DGKI: variants seen among roughly 807,000 people sequenced by gnomAD.
DGKI encodes diacylglycerol kinase iota, also known as DAG kinase iota.
In DGKI, 55 loss-of-function variants were observed where a neutral mutation model predicts 147.5. That is an observed-to-expected ratio of 0.37 (90% confidence interval 0.30 to 0.47). DGKI has a LOEUF of 0.47. Ranked by LOEUF, DGKI falls within the 20% of genes least tolerant of loss-of-function variation. The probability of loss-of-function intolerance (pLI) is 1.00; values close to 1 mark genes in which losing one functional copy is unlikely to be tolerated. For synonymous variants in DGKI, 469 were observed against 477.1 expected, an observed-to-expected ratio of 0.98 and a Z score of 0.22; for missense variants, 1,007 against 1,323.8, an observed-to-expected ratio of 0.76 and a Z score of 3.71.
chr7:137,413,222 C>A lies in DGKI; in HGVS notation c.2762-1015G>T, dbSNP rs142141250. Among the ~76,000 whole-genome samples the A allele has an allele frequency of 2.0e-3, 298 of 147,456 alleles. 3 individuals carry two copies. The East Asian group carries it at 0.033, about 17-fold the overall frequency. ...GTGGAGTTGCAGTGAGCGGAGATCG[C>A]GCCACTGCCCTCCTGCCCAGGCGAC... On this transcript the variant is annotated intron_variant, in intron 28 of 32. Transcript: ENST00000614521.
intron 1 of DGKI, among the ~76,000 whole-genome samples, chr7:137,829,509 G>A (rs886431615): frequency 1.3e-5 from 2 of 152,198 alleles, no homozygotes; most frequent in Non-Finnish European, 2.9e-5. Context: ...CCACAATGAT[G>A]AAAACGTTCT....
At chr7:137,705,806 T>C (rs1275094245) in intron 1 of DGKI, among the ~76,000 whole-genome samples, 1 of 152,164 alleles carries the variant, frequency 6.6e-6, no homozygotes, top group Non-Finnish European at 1.5e-5. Flanking sequence ...TCAGTATCCA[T>C]GAACATAACT....
intron 1 of DGKI, among the ~76,000 whole-genome samples, chr7:137,811,811 G>C (rs185144961): frequency 7.0e-4 from 106 of 152,140 alleles, no homozygotes; most frequent in Non-Finnish European, 1.3e-3. Context: ...CATATATTTA[G>C]AATTTCTAAT....
At chr7:137,521,762 A>G (rs1816968103) in intron 21 of DGKI, 104 bp downstream of exon 21, 1 of 820,152 alleles carries the variant, frequency 1.2e-6, no homozygotes, top group South Asian at 1.5e-5. Flanking sequence ...TCTAACCATG[A>G]TTTTCAGGCA....
intron 3 of DGKI, among the ~76,000 whole-genome samples, chr7:137,667,796 CTCAG>C (rs1380532306): frequency 1.3e-5 from 2 of 152,188 alleles, no homozygotes; most frequent in Non-Finnish European, 2.9e-5. Context: ...CCACAGACAT[CTCAG>C]TCATTGTTTA....
chr7:137,720,480 G>C (rs572048230), intron 1 of DGKI, among the ~76,000 whole-genome samples: 16 of 151,844 alleles, frequency 1.1e-4, no homozygotes, highest in South Asian at 8.3e-4. Context: ...GGATGGTCTC[G>C]ATCTCCTGAC....
chr7:137,621,917 G>A (rs1458149539), intron 7 of DGKI, among the ~76,000 whole-genome samples: 1 of 152,222 alleles, frequency 6.6e-6, no homozygotes, highest in Non-Finnish European at 1.5e-5. Flanking sequence ...CACCAGATTA[G>A]AAGAACCAGG....
At chr7:137,653,800 T>C (rs529796478) in intron 5 of DGKI, among the ~76,000 whole-genome samples, 112 of 152,296 alleles carry the variant, frequency 7.4e-4, no homozygotes, top group African/African-American at 2.6e-3. Context: ...TTATCAGAAA[T>C]CATTTTTACC....
chr7:137,735,203 C>T (rs2116681453), intron 1 of DGKI, among the ~76,000 whole-genome samples: 1 of 152,258 alleles, frequency 6.6e-6, no homozygotes, highest in African/African-American at 2.4e-5. Context: ...GTCTCCTTGG[C>T]ATTGCATTTT....
chr7:137,808,211 A>T (rs1389729764), intron 1 of DGKI, among the ~76,000 whole-genome samples: 2 of 152,110 alleles, frequency 1.3e-5, no homozygotes, highest in African/African-American at 4.8e-5. Context: ...GTTATTTCCC[A>T]TTTTGCTGGT....
At chr7:137,589,457 C>A (rs1271141494) in intron 12 of DGKI, among the ~76,000 whole-genome samples, 1 of 152,190 alleles carries the variant, frequency 6.6e-6, no homozygotes, top group Admixed American at 6.5e-5. Flanking sequence ...CAGACAGATC[C>A]TTAGATTCTG....
At chr7:137,802,664 A>G (rs1351972744) in intron 1 of DGKI, among the ~76,000 whole-genome samples, 1 of 152,194 alleles carries the variant, frequency 6.6e-6, no homozygotes, top group East Asian at 1.9e-4. Flanking sequence ...ATGGTTTGTG[A>G]AAAACTGAGA....
intron 19 of DGKI, among the ~76,000 whole-genome samples, chr7:137,556,870 C>T (rs1818241508): frequency 6.6e-6 from 1 of 152,108 alleles, no homozygotes; most frequent in African/African-American, 2.4e-5. Flanking sequence ...TTTGGTCAAA[C>T]ATTCTAGATG....
chr7:137,528,450 G>T (rs1158502503), intron 20 of DGKI, among the ~76,000 whole-genome samples: 1 of 152,144 alleles, frequency 6.6e-6, no homozygotes, highest in Non-Finnish European at 1.5e-5. Flanking sequence ...AATCACATTA[G>T]CAGCAATCAG....
chr7:137,604,473 C>T (rs1341136779), intron 10 of DGKI, among the ~76,000 whole-genome samples: 3 of 152,132 alleles, frequency 2.0e-5, no homozygotes, highest in African/African-American at 7.2e-5. Context: ...GGAGGGGTGG[C>T]CCTAGTCTGA....
chr7:137,678,526 C>A (rs1034258037), intron 3 of DGKI, 31 bp downstream of exon 3: 1 of 1,607,976 alleles, frequency 6.2e-7, no homozygotes, highest in Non-Finnish European at 8.5e-7. Context: ...ATCCACAGGC[C>A]TTCCCCCAGC....
intron 5 of DGKI, 84 bp from the exon 6 acceptor site, chr7:137,645,621 C>G (rs940091704): frequency 6.4e-5 from 81 of 1,260,606 alleles, no homozygotes; most frequent in Non-Finnish European, 8.4e-5. Context: ...CACTGGAGTG[C>G]AGTGGTATAA....
rs1188099112 is a variant in DGKI, at chr7:137,624,261, T to C, written c.805-707A>G. Among the ~76,000 whole-genome samples, 11 of 152,342 alleles carry C rather than the reference T, an allele frequency of 7.2e-5. No homozygotes were observed. The East Asian group carries it at 1.7e-3, about 24-fold the overall frequency. The stretch of plus-strand genomic sequence containing the variant: ...ATAATGGCCAGAGAGAAGTATGTAG[T>C]ATTGCACAAAGAATTTTTTTAGCCT... On this transcript the variant is annotated intron_variant, in intron 6 of 32. Coordinates refer to ENST00000614521, the MANE Select transcript of DGKI (RefSeq NM_001321708.2).
At chr7:137,633,753 T>C (rs1821215682) in intron 6 of DGKI, among the ~76,000 whole-genome samples, 1 of 152,212 alleles carries the variant, frequency 6.6e-6, no homozygotes, top group East Asian at 1.9e-4. Flanking sequence ...ATGAATTTTT[T>C]CCATCCCTCT....
Sources: gnomAD v4.1 joint callset for allele counts (sites outside exome capture counted in the v4.1 genomes callset) on GRCh38, gnomAD v4.1.1 for gene constraint, MANE v1.5 for transcripts, NCBI Gene and HGNC (gene_info 2026-07-23, HGNC 2026-07-21) for gene names.